UNC5B: variants seen among roughly 807,000 people sequenced by gnomAD.
The protein encoded by UNC5B is unc-5 netrin receptor B, also known as netrin receptor UNC5B.
Under a neutral mutation model 103.7 loss-of-function variants are expected in UNC5B, and 56 were observed. The observed-to-expected ratio is 0.54, with a 90% CI of 0.44 to 0.67. The LOEUF (loss-of-function observed/expected upper bound fraction) is 0.67. UNC5B is among the 30% of genes least tolerant of loss of function. UNC5B has a pLI of 0.00. For synonymous variants in UNC5B, 577 were observed against 542.0 expected, an observed-to-expected ratio of 1.06 and a Z score of -0.90; for missense variants, 1,194 against 1,284.5, an observed-to-expected ratio of 0.93 and a Z score of 1.08.
chr10:71,295,739 C>G, intron 13 of UNC5B, 72 bp from the exon 14 acceptor site: 1 of 1,557,288 alleles, frequency 6.4e-7, no homozygotes, highest in Non-Finnish European at 8.7e-7. Flanking sequence ...CCCCCTGCCC[C>G]GCACAGTGCC....
At chr10:71,290,403 C>T (rs1564511963) in intron 8 of UNC5B, among the ~76,000 whole-genome samples, 2 of 152,216 alleles carry the variant, frequency 1.3e-5, no homozygotes, top group African/African-American at 4.8e-5. Flanking sequence ...TCCACTTCTT[C>T]AGCTCCCCGT....
chr10:71,265,026 A>G (rs549037791), intron 1 of UNC5B, among the ~76,000 whole-genome samples: 77 of 121,664 alleles, frequency 6.3e-4, no homozygotes, highest in African/African-American at 2.6e-3. Flanking sequence ...ACCCAGATTC[A>G]AATGCTGACA....
chr10:71,244,929 G>A (rs1168548300), intron 1 of UNC5B, among the ~76,000 whole-genome samples: 1 of 152,254 alleles, frequency 6.6e-6, no homozygotes, highest in Non-Finnish European at 1.5e-5. Context: ...GCAGCCAGAT[G>A]TCTCCCAGAT....
At chr10:71,217,562 C>G (rs1351707453) in intron 1 of UNC5B, 1 of 152,232 alleles carries the variant, frequency 6.6e-6, no homozygotes, top group African/African-American at 2.4e-5. Flanking sequence ...GCTGCGCCCC[C>G]GCGGGCAGAC....
intron 1 of UNC5B, among the ~76,000 whole-genome samples, chr10:71,258,890 C>A (rs1844351695): frequency 6.6e-6 from 1 of 152,244 alleles, no homozygotes; most frequent in Non-Finnish European, 1.5e-5. Flanking sequence ...CTCTTGTCCT[C>A]CCCGCCCAGT....
At position 71,293,950 on chromosome 10, in the gene UNC5B, G is replaced by T; in HGVS notation, c.2175+17G>T. ...GCACTGAAGGTAGGGCCAGCTGCAG[G>T]TGCCCACACAGCCCTGGCCGGCCAG... On this transcript the variant is annotated intron_variant, in intron 13 of 16. Transcript: ENST00000335350. The T allele has an allele frequency of 6.3e-7, 1 of 1,576,002 alleles. No individual in the cohort carries two copies. The highest frequency in any genetic ancestry group is 8.6e-7 in the Non-Finnish European group (1 of 1,165,416).
intron 1 of UNC5B, among the ~76,000 whole-genome samples, chr10:71,247,732 G>A (rs1410829971): frequency 6.6e-6 from 1 of 152,172 alleles, no homozygotes; most frequent in East Asian, 1.9e-4. Context: ...TGGGAGTTCT[G>A]TGCCATAGAA....
chr10:71,215,959 G>A (rs896299970), intron 1 of UNC5B, among the ~76,000 whole-genome samples: 7 of 151,948 alleles, frequency 4.6e-5, no homozygotes, highest in African/African-American at 1.7e-4. Context: ...GTCTTAATGG[G>A]TTTTCTCATT....
chr10:71,214,727 C>G (rs1843297704), intron 1 of UNC5B, among the ~76,000 whole-genome samples: 2 of 152,150 alleles, frequency 1.3e-5, no homozygotes, highest in Admixed American at 1.3e-4. Context: ...AGGAGAAAGA[C>G]AAGACTGGTT....
rs778837010 is a variant in UNC5B, at chr10:71,299,139, G to A, written c.2700G>A (p.Ala900=). The change falls in exon 17 of 17, where the codon GCG becomes GCA. Residue 900 remains alanine (A), a synonymous_variant. Transcript: ENST00000335350. ...ACCTGAATTACTTTGCCACCAAAGC[G>A]AGCCCCACGGGTGTGATCCTGGACC... ...DRYLNYFATK[A]SPTGVILDLW... is the part of the protein sequence containing the mutation. 13 of 1,614,080 alleles carry A rather than the reference G, an allele frequency of 8.1e-6. No homozygotes were observed. Among genetic ancestry groups the A allele is most frequent in the East Asian group, 2.2e-5 (1 of 44,884 alleles).
intron 1 of UNC5B, among the ~76,000 whole-genome samples, chr10:71,248,709 G>C (rs1013039285): frequency 6.6e-6 from 1 of 152,022 alleles, no homozygotes; most frequent in Non-Finnish European, 1.5e-5. Flanking sequence ...GTGGCTCCTA[G>C]GCATGCACTT....
At position 71,291,499 on chromosome 10, in the gene UNC5B, AC is replaced by A. The variant is rs1245391896; in HGVS notation, c.1365del (p.Val456CysfsTer13). ...LTASAGIYRG[P>X]VYALQDSTDK... ...CAGCCAGCGCCGGCATCTACCGCGG[AC>A]CCGTGTATGCCCTGCAGGACTCCAC... On this transcript the variant is annotated frameshift_variant, in exon 10 of 17. Coordinates refer to ENST00000335350, the MANE Select transcript of UNC5B (RefSeq NM_170744.5). LOFTEE classifies it high-confidence loss of function. 1 of 1,613,808 alleles carries A rather than the reference AC, an allele frequency of 6.2e-7. No homozygotes were observed. The highest frequency in any genetic ancestry group is 1.7e-5 in the Admixed American group (1 of 59,986).
At chr10:71,285,584 G>C (rs1845055444) in intron 4 of UNC5B, among the ~76,000 whole-genome samples, 155 bp downstream of exon 4, 2 of 152,226 alleles carry the variant, frequency 1.3e-5, no homozygotes, top group Non-Finnish European at 2.9e-5. Context: ...GAAGAGAACT[G>C]TTACCTCTGT....
At chr10:71,236,980 G>A (rs1055655830) in intron 1 of UNC5B, among the ~76,000 whole-genome samples, 1 of 152,342 alleles carries the variant, frequency 6.6e-6, no homozygotes, top group South Asian at 2.1e-4. Flanking sequence ...TGAGCTCCAC[G>A]GCTGGGATGT....
intron 8 of UNC5B, among the ~76,000 whole-genome samples, chr10:71,289,195 C>T (rs1845181024): frequency 6.6e-6 from 1 of 152,184 alleles, no homozygotes; most frequent in Non-Finnish European, 1.5e-5. Context: ...AAAAGAAAGG[C>T]CTTAGGGCAC....
In UNC5B at chr10:71,287,694, C is replaced by A. The variant is rs754370822; in HGVS notation, c.830C>A (p.Ala277Asp). 6.2e-7 allele frequency: 1 copy of A among 1,613,320 alleles called. No individual in the cohort carries two copies. Among genetic ancestry groups the A allele is most frequent in the Non-Finnish European group, 8.5e-7 (1 of 1,179,600 alleles). The change falls in exon 6 of 17, where the codon GCT (alanine) becomes GAT (aspartate). Residue 277 changes from alanine (A) to aspartate (D), a missense_variant. By Grantham distance (126) the Ala-to-Asp change is moderately radical. Transcript: ENST00000335350. The stretch of plus-strand genomic sequence containing the variant: ...CGCACCCGGACCTGCACCAACCCCG[C>A]TCCACTCAACGGAGGGGCCTTCTGC... The part of the protein sequence containing the change: ...QKRTRTCTNP[A>D]PLNGGAFCEG...
chr10:71,290,898 T>A lies in UNC5B; in HGVS notation c.1100-17T>A. 6.2e-7 allele frequency: 1 copy of A among 1,602,960 alleles called. No homozygotes were observed. ...CTGGTCTCTGCTGCCCCTTATGTGG[T>A]CCTCCTGTCCCCGCAGTGCTGGAGG... On this transcript the variant is annotated splice_polypyrimidine_tract_variant and intron_variant, in intron 8 of 16. Transcript: ENST00000335350.
chr10:71,251,677 G>T (rs1844175504), intron 1 of UNC5B, among the ~76,000 whole-genome samples: 1 of 152,130 alleles, frequency 6.6e-6, no homozygotes, highest in Admixed American at 6.5e-5. Context: ...CATGGTTCCT[G>T]CAAAGACCCA....
At chr10:71,252,433 G>A (rs79103090) in intron 1 of UNC5B, among the ~76,000 whole-genome samples, 7 of 152,200 alleles carry the variant, frequency 4.6e-5, no homozygotes, top group African/African-American at 1.4e-4. Flanking sequence ...CTGTGAGAGC[G>A]CTTTCAAATC....
Sources: gnomAD v4.1 joint callset for allele counts (sites outside exome capture counted in the v4.1 genomes callset) on GRCh38, gnomAD v4.1.1 for gene constraint, MANE v1.5 for transcripts, NCBI Gene and HGNC (gene_info 2026-07-23, HGNC 2026-07-21) for gene names.